SSH2: variants seen among roughly 807,000 people sequenced by gnomAD.
The protein encoded by SSH2 is slingshot protein phosphatase 2.
SSH2 carries 37 observed loss-of-function variants against 135.2 expected under a neutral mutation model. The ratio of observed to expected loss-of-function variants is 0.27; its 90% CI spans 0.21 to 0.36. The LOEUF (loss-of-function observed/expected upper bound fraction) is 0.36, where lower values mean the gene tolerates loss of function less well. Ranked by LOEUF, SSH2 falls within the 10% of genes least tolerant of loss-of-function variation. SSH2 has a pLI of 1.00. For synonymous variants in SSH2, 628 were observed against 646.2 expected, an observed-to-expected ratio of 0.97 and a Z score of 0.43; for missense variants, 1,408 against 1,765.3, an observed-to-expected ratio of 0.80 and a Z score of 3.63.
At chr17:29,698,112 T>C (rs540299049) in intron 4 of SSH2, among the ~76,000 whole-genome samples, 19 of 152,296 alleles carry the variant, frequency 1.2e-4, no homozygotes, top group African/African-American at 4.6e-4. Context: ...TATGAATCCA[T>C]TTACAGAACA....
intron 2 of SSH2, among the ~76,000 whole-genome samples, chr17:29,815,094 G>A (rs1205522258): frequency 1.3e-5 from 2 of 148,694 alleles, no homozygotes; most frequent in South Asian, 2.1e-4. Flanking sequence ...GATTACAGGC[G>A]CCCACCATCA....
chr17:29,725,347 C>CAAAAAAAAAAAAAAAAAAAA lies in SSH2; in HGVS notation c.189-22305_189-22286dup, dbSNP rs11449000. On this transcript the variant is annotated intron_variant, in intron 3 of 15. Coordinates refer to ENST00000540801, the MANE Select transcript of SSH2 (RefSeq NM_001282129.2). The stretch of plus-strand genomic sequence containing the variant: ...GGGCGACACAGCAAGAATCAGTCTC[C>CAAAAAAAAAAAAAAAAAAAA]AAAAAAAAAAAAAAAAAAAAAAGCC... Among the ~76,000 whole-genome samples, 4 of 52,788 alleles carry CAAAAAAAAAAAAAAAAAAAA rather than the reference C, an allele frequency of 7.6e-5. 2 individuals carry two copies. The highest frequency in any genetic ancestry group is 1.7e-4 in the African/African-American group (2 of 11,656). 34.6% of individuals were successfully genotyped at this position (52,788 alleles called of 152,430 possible).
intron 1 of SSH2, among the ~76,000 whole-genome samples, chr17:29,875,930 C>A (rs1297789853): frequency 7.1e-6 from 1 of 141,588 alleles, no homozygotes; most frequent in Non-Finnish European, 1.5e-5. Flanking sequence ...AATTTGTACA[C>A]ATGCTTATAA....
At chr17:29,844,459 C>T (rs542864119) in intron 2 of SSH2, among the ~76,000 whole-genome samples, 1 of 152,338 alleles carries the variant, frequency 6.6e-6, no homozygotes, top group Non-Finnish European at 1.5e-5. Context: ...GAGCTTCTTC[C>T]TCCTTTTAGG....
intron 3 of SSH2, among the ~76,000 whole-genome samples, chr17:29,739,757 A>G (rs1378123031): frequency 6.6e-6 from 1 of 152,196 alleles, no homozygotes; most frequent in African/African-American, 2.4e-5. Context: ...AAAAAACCCA[A>G]CAAAAGGCCC....
At chr17:29,929,033 T>TA (rs1370474263) in intron 1 of SSH2, among the ~76,000 whole-genome samples, 1 of 152,130 alleles carries the variant, frequency 6.6e-6, no homozygotes, top group Non-Finnish European at 1.5e-5. Context: ...ATATTGTTTT[T>TA]AAAAATAAAT....
intron 3 of SSH2, among the ~76,000 whole-genome samples, chr17:29,759,618 C>A (rs988308608): frequency 6.6e-6 from 1 of 152,188 alleles, no homozygotes; most frequent in Admixed American, 6.5e-5. Flanking sequence ...TACTTTACTT[C>A]TCTCTGAATT....
At chr17:29,696,208 C>CATAT (rs1555614300) in intron 4 of SSH2, among the ~76,000 whole-genome samples, 3 of 140,802 alleles carry the variant, frequency 2.1e-5, no homozygotes, top group Non-Finnish European at 4.6e-5. Flanking sequence ...CACACACACA[C>CATAT]ATATGTATAT....
intron 3 of SSH2, among the ~76,000 whole-genome samples, chr17:29,722,043 G>A (rs962302689): frequency 1.3e-5 from 2 of 152,152 alleles, no homozygotes; most frequent in African/African-American, 4.8e-5. Flanking sequence ...TTGGGAGGCT[G>A]AGGAGGGTGG....
At chr17:29,836,248 C>T (rs1331004121) in intron 2 of SSH2, among the ~76,000 whole-genome samples, 1 of 152,080 alleles carries the variant, frequency 6.6e-6, no homozygotes, top group African/African-American at 2.4e-5. Flanking sequence ...AAATATATCA[C>T]CACGTTAGAG....
chr17:29,924,173 C>CT (rs1369681120), intron 1 of SSH2, among the ~76,000 whole-genome samples: 8 of 151,634 alleles, frequency 5.3e-5, no homozygotes, highest in Admixed American at 1.3e-4. Flanking sequence ...AAAGGCATCA[C>CT]TTTTTTTTTC....
intron 1 of SSH2, among the ~76,000 whole-genome samples, chr17:29,880,882 TAGGGCTAGA>T (rs1286549379): frequency 6.6e-6 from 1 of 152,190 alleles, no homozygotes; most frequent in Admixed American, 6.5e-5. Flanking sequence ...CAAAGCCAAT[TAGGGCTAGA>T]CCTGGGGATT....
chr17:29,919,872 C>G (rs899742215), intron 1 of SSH2, among the ~76,000 whole-genome samples: 6 of 151,938 alleles, frequency 3.9e-5, no homozygotes, highest in Non-Finnish European at 8.8e-5. Flanking sequence ...AATGGAAAAA[C>G]AGTAAATCTT....
intron 2 of SSH2, among the ~76,000 whole-genome samples, chr17:29,817,774 T>C (rs1433426259): frequency 6.6e-6 from 1 of 152,150 alleles, no homozygotes; most frequent in African/African-American, 2.4e-5. Flanking sequence ...TTTATTTATT[T>C]GAGTAGGGGT....
chr17:29,661,399 G>C (rs1238550682), intron 11 of SSH2, among the ~76,000 whole-genome samples: 2 of 152,204 alleles, frequency 1.3e-5, no homozygotes, highest in Admixed American at 6.5e-5. Flanking sequence ...ATTGTTAAGT[G>C]TTGTGTAAGT....
At chr17:29,636,858 C>T (rs930801896) in intron 14 of SSH2, 56 bp from the exon 15 acceptor site, 3 of 1,248,508 alleles carry the variant, frequency 2.4e-6, no homozygotes, top group Non-Finnish European at 3.4e-6. Flanking sequence ...ATAATCAACA[C>T]CCTCCCAGGA....
chr17:29,860,866 C>T (rs112335189), intron 1 of SSH2, among the ~76,000 whole-genome samples: 4,181 of 152,038 alleles, frequency 0.027, 188 homozygotes, highest in African/African-American at 0.094. Context: ...GTGCTTCAGC[C>T]TCCCAAGTAG....
At chr17:29,879,646 T>G (rs546815749) in intron 1 of SSH2, among the ~76,000 whole-genome samples, 9 of 152,266 alleles carry the variant, frequency 5.9e-5, no homozygotes, top group African/African-American at 1.9e-4. Context: ...ATCCCTAAAG[T>G]TAATAAATAC....
intron 3 of SSH2, among the ~76,000 whole-genome samples, chr17:29,715,528 A>C (rs922112464): frequency 1.3e-5 from 2 of 152,138 alleles, no homozygotes; most frequent in South Asian, 4.1e-4. Flanking sequence ...TACAGGCGTG[A>C]GCCACTGCAC....
Sources: allele counts gnomAD v4.1 joint callset (sites outside exome capture counted in the v4.1 genomes callset), GRCh38; gene constraint gnomAD v4.1.1; transcripts MANE v1.5; gene names NCBI Gene and HGNC (gene_info 2026-07-23, HGNC 2026-07-21).